Variants in FER1L6 observed in about 807,000 individuals in gnomAD.
The protein encoded by FER1L6 is fer-1 like family member 6.
A neutral mutation model predicts 219.2 loss-of-function variants in FER1L6; 177 were observed. That is an observed-to-expected ratio of 0.81 (90% CI 0.71 to 0.91). FER1L6 has a LOEUF of 0.91. Ranked by LOEUF, FER1L6 falls within the 40% of genes least tolerant of loss-of-function variation. FER1L6 has a pLI of 0.00. For synonymous variants in FER1L6, 768 were observed against 824.3 expected, an observed-to-expected ratio of 0.93 and a Z score of 1.17; for missense variants, 2,153 against 2,259.9, an observed-to-expected ratio of 0.95 and a Z score of 0.96.
intron 18 of FER1L6, among the ~76,000 whole-genome samples, chr8:124,027,288 T>C (rs1256657583): frequency 6.6e-6 from 1 of 152,222 alleles, no homozygotes; most frequent in African/African-American, 2.4e-5. Context: ...ATACTAGTTG[T>C]ATGACCTTGG....
intron 11 of FER1L6, among the ~76,000 whole-genome samples, chr8:123,983,264 G>A (rs1731492549): frequency 6.6e-6 from 1 of 152,036 alleles, no homozygotes; most frequent in African/African-American, 2.4e-5. Flanking sequence ...GGACAGTTGA[G>A]AGGTCCCATG....
chr8:123,985,021 C>A (rs1816504444), intron 11 of FER1L6: 1 of 152,224 alleles, frequency 6.6e-6, no homozygotes, highest in African/African-American at 2.4e-5. Context: ...GAAGCATCAG[C>A]CTTTTCCTTG....
chr8:123,880,344 G>C (rs1341382238), intron 1 of FER1L6, among the ~76,000 whole-genome samples: 2 of 152,160 alleles, frequency 1.3e-5, no homozygotes, highest in East Asian at 1.9e-4. Flanking sequence ...ACAGGAACTG[G>C]CTTTATCGCA....
At chr8:124,011,523 A>C (rs1200053750) in intron 14 of FER1L6, among the ~76,000 whole-genome samples, 1 of 151,924 alleles carries the variant, frequency 6.6e-6, no homozygotes, top group Non-Finnish European at 1.5e-5. Flanking sequence ...CTAATTTTTA[A>C]AATATTTTGT....
rs538651115 is a variant in FER1L6, at chr8:123,890,750, A to C, written c.-8+38565A>C. Among the ~76,000 whole-genome samples, 34 of 149,516 alleles carry C rather than the reference A, an allele frequency of 2.3e-4. No homozygotes were observed. In the South Asian group the frequency reaches 6.1e-3, roughly 27 times the overall value. The stretch of plus-strand genomic sequence containing the variant: ...AAGAAAATCCCCCCAAGCCTCCAAA[A>C]CCATTTATTAATTGATAACTAATAG... On this transcript the variant is annotated intron_variant, in intron 1 of 40. Transcript: ENST00000522917.
At chr8:124,040,402 C>A in intron 20 of FER1L6, 1 of 233,854 alleles carries the variant, frequency 4.3e-6, no homozygotes, top group Non-Finnish European at 8.5e-6. Context: ...AAACATTTTC[C>A]AGTTTTGTGG....
In FER1L6 at chr8:123,992,650, A is replaced by G. The variant is rs564264515; in HGVS notation, c.1519+6474A>G. On this transcript the variant is annotated intron_variant, in intron 12 of 40. Coordinates refer to ENST00000522917, the MANE Select transcript of FER1L6 (RefSeq NM_001039112.2). ...TCTATTGATTTTGCTTATCTATTTA[A>G]AGAAACAATTTTTTGTTTCATTGAT... is the stretch of plus-strand genomic sequence containing the variant. 6.6e-5 allele frequency among the ~76,000 whole-genome samples: 10 copies of G among 152,312 alleles called. No individual in the cohort carries two copies. In the South Asian group the frequency reaches 1.2e-3, roughly 19 times the overall value.
intron 1 of FER1L6, among the ~76,000 whole-genome samples, chr8:123,893,764 G>T (rs1812692411): frequency 6.6e-6 from 1 of 152,174 alleles, no homozygotes; most frequent in Admixed American, 6.5e-5. Context: ...GATTCTTGCT[G>T]CATTTAGTGT....
intron 18 of FER1L6, among the ~76,000 whole-genome samples, chr8:124,032,366 A>C (rs1446610575): frequency 6.6e-6 from 1 of 152,162 alleles, no homozygotes; most frequent in African/African-American, 2.4e-5. Flanking sequence ...CAGAGGCTGC[A>C]GTGAGCTGAG....
At position 123,868,966 on chromosome 8, in the gene FER1L6, A is replaced by G. The variant is rs78136214; in HGVS notation, c.-8+16781A>G. The stretch of plus-strand genomic sequence containing the variant: ...TAGGGAGAGTTGTGAGCTGTCATCT[A>G]TCAGGTTAGTCTGAGTTATGCATCT... On this transcript the variant is annotated intron_variant, in intron 1 of 40. Transcript: ENST00000522917. 1.0e-2 allele frequency among the ~76,000 whole-genome samples: 1,520 copies of G among 152,260 alleles called. 20 individuals carry two copies. Among genetic ancestry groups the G allele is most frequent in the African/African-American group, 0.035 (1,442 of 41,520 alleles).
At chr8:123,936,462 G>GTTTTTTTTTTTTTT (rs779012175) in intron 1 of FER1L6, among the ~76,000 whole-genome samples, 3 of 97,928 alleles carry the variant, frequency 3.1e-5, no homozygotes, top group Admixed American at 1.2e-4. Flanking sequence ...ATTGCAGCCT[G>GTTTTTTTTTTTTTT]TTTTTTTTTT....
At chr8:124,017,575 T>G (rs899986725) in intron 15 of FER1L6, 53 bp from the exon 16 acceptor site, 1 of 1,370,584 alleles carries the variant, frequency 7.3e-7, no homozygotes, top group Admixed American at 1.7e-5. Context: ...TCTGGAATTA[T>G]ATAAATGGAT....
chr8:123,979,113 T>C (rs1384097009), intron 10 of FER1L6, among the ~76,000 whole-genome samples: 1 of 152,168 alleles, frequency 6.6e-6, no homozygotes, highest in South Asian at 2.1e-4. Context: ...GGATAGGAAA[T>C]GTGTAGGCAT....
At chr8:123,940,067 G>T (rs1365503144) in intron 1 of FER1L6, among the ~76,000 whole-genome samples, 1 of 152,140 alleles carries the variant, frequency 6.6e-6, no homozygotes, top group Non-Finnish European at 1.5e-5. Flanking sequence ...TTTCCCACAG[G>T]ACAACCACAG....
In FER1L6 at chr8:124,111,256, T is replaced by G. The variant is rs1305938186; in HGVS notation, c.5290-7588T>G. On this transcript the variant is annotated intron_variant, in intron 39 of 40. Coordinates refer to ENST00000522917, the MANE Select transcript of FER1L6 (RefSeq NM_001039112.2). This position sits in a 1 kb window ranked among gnomAD's most constrained non-coding sequence, Gnocchi z 5.0. ...CTAAGCCTCTCATTTTTAATTTTTA[T>G]TTGTTGCCCTTACACCTCCTAAAGG... 6.6e-6 allele frequency among the ~76,000 whole-genome samples: 1 copy of G among 152,216 alleles called. No individual in the cohort carries two copies. Among genetic ancestry groups the G allele is most frequent in the East Asian group, 1.9e-4 (1 of 5,194 alleles).
chr8:124,103,097 G>C, intron 38 of FER1L6, 49 bp from the exon 39 acceptor site: 1 of 1,545,726 alleles, frequency 6.5e-7, no homozygotes. Context: ...AAGCTCTTCT[G>C]TTACTTTTAG....
At chr8:124,093,542 A>G (rs1438433047) in intron 34 of FER1L6, among the ~76,000 whole-genome samples, 1 of 152,072 alleles carries the variant, frequency 6.6e-6, no homozygotes, top group Non-Finnish European at 1.5e-5. Context: ...TGATATTTAG[A>G]TAGGACATTA....
intron 39 of FER1L6, among the ~76,000 whole-genome samples, chr8:124,115,143 C>A (rs902789766): frequency 6.6e-6 from 1 of 151,044 alleles, no homozygotes; most frequent in Non-Finnish European, 1.5e-5. Context: ...TATGACAAAT[C>A]CAGTCTTCTC....
intron 1 of FER1L6, among the ~76,000 whole-genome samples, chr8:123,855,030 C>T (rs1216125208): frequency 1.3e-5 from 2 of 152,054 alleles, no homozygotes; most frequent in African/African-American, 4.8e-5. Context: ...AAAGGAGACC[C>T]TATTACTCTC....
Sources: allele counts gnomAD v4.1 joint callset (sites outside exome capture counted in the v4.1 genomes callset), GRCh38; gene constraint gnomAD v4.1.1; non-coding constraint Gnocchi (gnomAD v3.1); transcripts MANE v1.5; gene names NCBI Gene and HGNC (gene_info 2026-07-23, HGNC 2026-07-21).